USH2A: variants seen among roughly 807,000 people sequenced by gnomAD.
USH2A encodes the protein Usher syndrome 2A (autosomal recessive, mild).
USH2A carries 443 observed loss-of-function variants against 538.9 expected under a neutral mutation model. The ratio of observed to expected loss-of-function variants is 0.82; its 90% confidence interval spans 0.76 to 0.89. The LOEUF is 0.89. USH2A is among the 40% of genes least tolerant of loss of function. The pLI is 0.00. For synonymous variants in USH2A, 2,413 were observed against 2,273.5 expected (o/e 1.06, Z -1.75); for missense variants, 6,633 against 6,324.8 (o/e 1.05, Z -1.65).
chr1:215,976,175 C>T (rs1667615211), intron 35 of USH2A, among the ~76,000 whole-genome samples: 1 of 152,138 alleles, frequency 6.6e-6, no homozygotes, highest in African/African-American at 2.4e-5. Context: ...TATCCTAAAA[C>T]TTTACTGATG....
At chr1:216,289,246 T>C in intron 11 of USH2A, 34 bp downstream of exon 11, 4 of 1,613,388 alleles carry the variant, frequency 2.5e-6, no homozygotes, top group Non-Finnish European at 3.4e-6. Flanking sequence ...GCAGACAGAG[T>C]AATCCTTTAC....
At chr1:216,368,528 C>T (rs115572272) in intron 3 of USH2A, among the ~76,000 whole-genome samples, 2,296 of 152,246 alleles carry the variant, frequency 0.015, 55 homozygotes, top group African/African-American at 0.052. Context: ...CTACATTCTT[C>T]TAATTTAAAC....
At chr1:216,298,961 C>G (rs1316849573) in intron 9 of USH2A, among the ~76,000 whole-genome samples, 1 of 152,068 alleles carries the variant, frequency 6.6e-6, no homozygotes, top group Non-Finnish European at 1.5e-5. Flanking sequence ...CTGCCTCAAC[C>G]TCCCGAGTAG....
chr1:216,002,525 A>G (rs936291633), intron 32 of USH2A, among the ~76,000 whole-genome samples: 10 of 152,166 alleles, frequency 6.6e-5, no homozygotes, highest in Admixed American at 1.3e-4. Flanking sequence ...ATAGTGTTTC[A>G]ACTGAGAACA....
At chr1:215,713,437 G>A (rs1659396366) in intron 61 of USH2A, among the ~76,000 whole-genome samples, 1 of 152,062 alleles carries the variant, frequency 6.6e-6, no homozygotes, top group Non-Finnish European at 1.5e-5. Flanking sequence ...TCTCTTGGGA[G>A]TATTTTGATT....
chr1:216,264,091 T>C (rs147474807), intron 11 of USH2A, among the ~76,000 whole-genome samples: 3,380 of 152,048 alleles, frequency 0.022, 60 homozygotes, highest in Middle Eastern at 0.12. Context: ...AAACTTATAA[T>C]AGAAATTAAA....
chr1:216,067,811 G>T (rs2031429143), intron 30 of USH2A, among the ~76,000 whole-genome samples: 1 of 152,098 alleles, frequency 6.6e-6, no homozygotes, highest in Non-Finnish European at 1.5e-5. Context: ...ACGCCTATTG[G>T]ATGCAGGCAT....
chr1:215,766,862 A>G, intron 55 of USH2A, 74 bp from the exon 56 acceptor site: 1 of 1,369,376 alleles, frequency 7.3e-7, no homozygotes, highest in Non-Finnish European at 1.0e-6. Context: ...CAGAAGTAAC[A>G]TGCAGAGTTG....
chr1:215,996,245 G>T (rs990412946), intron 34 of USH2A, among the ~76,000 whole-genome samples: 2 of 152,232 alleles, frequency 1.3e-5, no homozygotes, highest in African/African-American at 4.8e-5. Context: ...TAAGTTTTCA[G>T]GTCCACAGGG....
chr1:216,265,416 C>T (rs79405758), intron 11 of USH2A, among the ~76,000 whole-genome samples: 4,099 of 151,862 alleles, frequency 0.027, 188 homozygotes, highest in African/African-American at 0.095. Context: ...ATTAGCATAC[C>T]ATTATGGAAA....
chr1:215,843,358 A>G (rs1456300010), intron 46 of USH2A, among the ~76,000 whole-genome samples: 2 of 151,974 alleles, frequency 1.3e-5, no homozygotes, highest in African/African-American at 2.4e-5. Context: ...ATTTTTTTTT[A>G]TCACTCATTT....
In USH2A at chr1:215,931,532, T is replaced by C. The variant is rs1666362056; in HGVS notation, c.7300+3084A>G. Among the ~76,000 whole-genome samples, 3 of 152,146 alleles carry C rather than the reference T, an allele frequency of 2.0e-5. No homozygotes were observed. In the South Asian group the frequency reaches 6.2e-4, roughly 32 times the overall value. On this transcript the variant is annotated intron_variant, in intron 38 of 71. Coordinates refer to ENST00000307340, the MANE Select transcript of USH2A (RefSeq NM_206933.4). ...CTCCTTACAGTTTGAGCTCCCAATTTTATCTACATAACCAGAGCATTCCTA... is the reference window on the plus strand; with the variant it reads ...CTCCTTACAGTTTGAGCTCCCAATTCTATCTACATAACCAGAGCATTCCTA...
intron 48 of USH2A, among the ~76,000 whole-genome samples, chr1:215,815,831 T>C (rs895441048): frequency 2.6e-5 from 4 of 152,050 alleles, no homozygotes; most frequent in South Asian, 2.1e-4. Flanking sequence ...ACTAAAGTTA[T>C]AGGGTTGAAA....
chr1:216,129,813 C>T (rs1360884682), intron 21 of USH2A, among the ~76,000 whole-genome samples: 2 of 152,034 alleles, frequency 1.3e-5, no homozygotes, highest in Admixed American at 6.6e-5. Flanking sequence ...AATTATACTA[C>T]ACAGCTATAG....
chr1:215,732,179 A>T (rs1265036368), intron 60 of USH2A, among the ~76,000 whole-genome samples: 2 of 152,362 alleles, frequency 1.3e-5, no homozygotes, highest in Admixed American at 1.3e-4. Flanking sequence ...GAGAGGACAA[A>T]TGGAAACACA....
At chr1:216,408,611 T>C (rs2039433524) in intron 3 of USH2A, among the ~76,000 whole-genome samples, 1 of 152,216 alleles carries the variant, frequency 6.6e-6, no homozygotes, top group African/African-American at 2.4e-5. Flanking sequence ...AATTTCAGCA[T>C]ATGATCTTTT....
chr1:216,175,841 G>C (rs1414574681), intron 20 of USH2A, among the ~76,000 whole-genome samples: 1 of 152,012 alleles, frequency 6.6e-6, no homozygotes, highest in African/African-American at 2.4e-5. Flanking sequence ...TACCCCAATG[G>C]CCCAGTTTCT....
In USH2A at chr1:215,759,820, T is replaced by G. The variant is rs1260253875; in HGVS notation, c.11071A>C (p.Ile3691Leu). ...TCCACTGTTGTAGAATTGATGATAA[T>G]GTGTCGAGGTGTCACCCAAACTCCT... ...PEGVWVTPRH[I>L]IINSTTVELY... Residue 3691 changes from isoleucine (I) to leucine (L), a missense_variant, in exon 57 of 72, where the codon ATT becomes CTT. Physicochemically the swap from Ile to Leu is conservative, Grantham distance 5. Transcript: ENST00000307340. 6.2e-7 allele frequency: 1 copy of G among 1,613,890 alleles called. No individual in the cohort carries two copies. Among genetic ancestry groups the G allele is most frequent in the East Asian group, 2.2e-5 (1 of 44,886 alleles).
chr1:216,385,764 T>C (rs1416400154), intron 3 of USH2A, among the ~76,000 whole-genome samples: 1 of 152,228 alleles, frequency 6.6e-6, no homozygotes, highest in Non-Finnish European at 1.5e-5. Flanking sequence ...CAGGGTTTCA[T>C]CTTACTACGC....
Sources: gnomAD v4.1 joint callset for allele counts (sites outside exome capture counted in the v4.1 genomes callset) on GRCh38, gnomAD v4.1.1 for gene constraint, MANE v1.5 for transcripts, NCBI Gene and HGNC (gene_info 2026-07-23, HGNC 2026-07-21) for gene names.